Variants in PTPRN2 observed in about 807,000 individuals in gnomAD.
PTPRN2 encodes the protein protein tyrosine phosphatase receptor type N2.
A neutral mutation model predicts 118.8 loss-of-function variants in PTPRN2; 74 were observed. The observed-to-expected ratio is 0.62, with a 90% confidence interval of 0.52 to 0.76. The LOEUF is 0.76. Among genes scored for constraint, PTPRN2 ranks in the 30% least tolerant of loss-of-function variants. The pLI is 0.00. For missense variants in PTPRN2, 1,481 were observed against 1,394.4 expected (o/e 1.06, Z -0.99); for synonymous variants, 641 against 608.0 (o/e 1.05, Z -0.80).
intron 2 of PTPRN2, among the ~76,000 whole-genome samples, chr7:158,463,035 G>A (rs190103311): frequency 7.1e-3 from 86 of 12,158 alleles, no homozygotes; most frequent in African/African-American, 0.029. Flanking sequence ...CCCCAGCCTG[G>A]CTGCACATTA....
intron 12 of PTPRN2, among the ~76,000 whole-genome samples, chr7:157,727,883 A>G (rs1056734502): frequency 7.2e-5 from 11 of 152,102 alleles, no homozygotes; most frequent in African/African-American, 2.7e-4. Flanking sequence ...TGGGGCCTGC[A>G]CTGCTGCATC....
At chr7:158,145,916 C>T (rs1006617014) in intron 6 of PTPRN2, among the ~76,000 whole-genome samples, 6 of 152,154 alleles carry the variant, frequency 3.9e-5, no homozygotes, top group South Asian at 2.1e-4. Context: ...GGGGCAAGCT[C>T]GCTCATTTCT....
chr7:157,581,331 C>T (rs371628299), intron 17 of PTPRN2, among the ~76,000 whole-genome samples: 5 of 152,240 alleles, frequency 3.3e-5, no homozygotes, highest in Non-Finnish European at 5.9e-5. Flanking sequence ...TCCAGTGCAG[C>T]GTCCCCAGGC....
Position 157,595,341 on chromosome 7 carries a change from C to A in PTPRN2, c.2419-26G>T, listed in dbSNP as rs368672228. 113 of 1,606,920 alleles carry A rather than the reference C, an allele frequency of 7.0e-5. No individual in the cohort carries two copies. The Middle Eastern group carries it at 1.8e-3, about 26-fold the overall frequency. On this transcript the variant is annotated intron_variant, in intron 16 of 22. Transcript: ENST00000389418. Reference sequence around the variant, plus strand: ...CTGCAGAGACAAGACCACACCACAGCGGTTAGCCAGGAGATTAGGAAGCCT... The same window carrying A: ...CTGCAGAGACAAGACCACACCACAGAGGTTAGCCAGGAGATTAGGAAGCCT...
intron 12 of PTPRN2, among the ~76,000 whole-genome samples, chr7:157,818,659 G>A (rs1436579781): frequency 6.8e-6 from 1 of 146,210 alleles, no homozygotes; most frequent in Admixed American, 6.6e-5. Context: ...GTGAGTCCCT[G>A]GGATGCTAAA....
At chr7:158,079,243 G>A (rs909420859) in intron 11 of PTPRN2, among the ~76,000 whole-genome samples, 4 of 152,134 alleles carry the variant, frequency 2.6e-5, no homozygotes, top group East Asian at 3.9e-4. Flanking sequence ...TTTTGCACAC[G>A]TTCAAGAAGC....
intron 2 of PTPRN2, among the ~76,000 whole-genome samples, chr7:158,401,082 C>T (rs116431950): frequency 0.021 from 3,122 of 152,220 alleles, 89 homozygotes; most frequent in African/African-American, 0.07. Flanking sequence ...AAAGCGGCAC[C>T]GCCACCAGCA....
At chr7:158,229,280 A>G (rs1829016803) in intron 3 of PTPRN2, among the ~76,000 whole-genome samples, 1 of 152,108 alleles carries the variant, frequency 6.6e-6, no homozygotes, top group Non-Finnish European at 1.5e-5. Context: ...AATAAAAACT[A>G]AAACAAGCCA....
chr7:157,546,750 C>T (rs967062965), intron 22 of PTPRN2, among the ~76,000 whole-genome samples: 1 of 152,176 alleles, frequency 6.6e-6, no homozygotes, highest in Non-Finnish European at 1.5e-5. Flanking sequence ...GAACGGAAGA[C>T]CTGGCATGTA....
intron 10 of PTPRN2, among the ~76,000 whole-genome samples, chr7:158,108,700 C>A (rs1815900744): frequency 6.6e-6 from 1 of 152,256 alleles, no homozygotes; most frequent in Non-Finnish European, 1.5e-5. Context: ...CTTCTGATCC[C>A]AGGCTGGCTG....
At chr7:157,576,120 T>A (rs1219205594) in intron 19 of PTPRN2, among the ~76,000 whole-genome samples, 4 of 152,148 alleles carry the variant, frequency 2.6e-5, no homozygotes, top group African/African-American at 9.7e-5. Context: ...AACAAAAAAC[T>A]GAATTTTTTA....
intron 3 of PTPRN2, among the ~76,000 whole-genome samples, chr7:158,225,028 C>A (rs977487863): frequency 2.0e-5 from 3 of 152,018 alleles, no homozygotes; most frequent in African/African-American, 7.2e-5. Context: ...CCACCACACA[C>A]CTATCAGAAA....
intron 4 of PTPRN2, among the ~76,000 whole-genome samples, chr7:158,196,574 T>TC (rs35689980): frequency 0.48 from 72,605 of 151,948 alleles, 18,484 homozygotes; most frequent in African/African-American, 0.67. Flanking sequence ...TCTCTTCACT[T>TC]CCCCATGAGG....
At chr7:158,569,680 G>GCGGGGCGCGAGGCCGCCTGACAGGAACA (rs1827872825) in intron 1 of PTPRN2, among the ~76,000 whole-genome samples, 1 of 150,534 alleles carries the variant, frequency 6.6e-6, no homozygotes, top group Non-Finnish European at 1.5e-5. Flanking sequence ...TGACAGGAAC[G>GCGGGGCGCGAGGCCGCCTGACAGGAACA]CGGGGCGCGA....
intron 5 of PTPRN2, among the ~76,000 whole-genome samples, chr7:158,186,539 C>T (rs1585777052): frequency 6.6e-6 from 1 of 152,184 alleles, no homozygotes; most frequent in East Asian, 1.9e-4. Context: ...TACGCCTGGG[C>T]TCACCTGCCC....
intron 11 of PTPRN2, among the ~76,000 whole-genome samples, chr7:158,002,871 G>A (rs961974686): frequency 3.9e-5 from 6 of 152,332 alleles, no homozygotes; most frequent in African/African-American, 7.2e-5. Flanking sequence ...CCACCCTGGC[G>A]TGGACACGGC....
At chr7:158,442,605 G>A (rs920374557) in intron 2 of PTPRN2, among the ~76,000 whole-genome samples, 2 of 152,164 alleles carry the variant, frequency 1.3e-5, no homozygotes, top group African/African-American at 4.8e-5. Flanking sequence ...GTGCCCAGAA[G>A]AGCATCTAAA....
intron 3 of PTPRN2, among the ~76,000 whole-genome samples, chr7:158,312,069 AC>A: frequency 7.1e-4 from 2 of 2,818 alleles, no homozygotes; most frequent in Non-Finnish European, 5.0e-3. Context: ...ACATGTAGAC[AC>A]ACACACGTGC....
At chr7:158,392,551 G>A (rs1812016555) in intron 2 of PTPRN2, among the ~76,000 whole-genome samples, 1 of 152,228 alleles carries the variant, frequency 6.6e-6, no homozygotes, top group South Asian at 2.1e-4. Flanking sequence ...CAGCCAGTGA[G>A]GATGGCAGAA....
Sources: allele counts gnomAD v4.1 joint callset (sites outside exome capture counted in the v4.1 genomes callset), GRCh38; gene constraint gnomAD v4.1.1; transcripts MANE v1.5; gene names NCBI Gene and HGNC (gene_info 2026-07-23, HGNC 2026-07-21).